USP38: variants seen among roughly 807,000 people sequenced by gnomAD.
The protein encoded by USP38 is ubiquitin specific peptidase 38, also known as ubiquitin carboxyl-terminal hydrolase 38.
Under a neutral mutation model 94.3 loss-of-function variants are expected in USP38, and 49 were observed. The ratio of observed to expected loss-of-function variants is 0.52; its 90% CI spans 0.41 to 0.66. The LOEUF is 0.66. Among genes scored for constraint, USP38 ranks in the 30% least tolerant of loss-of-function variants. USP38 has a pLI of 0.00. For missense variants in USP38, 1,128 were observed against 1,229.4 expected, an observed-to-expected ratio of 0.92 and a Z score of 1.23; for synonymous variants, 468 against 463.6, an observed-to-expected ratio of 1.01 and a Z score of -0.12.
Position 143,214,914 on chromosome 4 carries a change from A to C in USP38, c.2938A>C (p.Ile980Leu). 1 of 1,612,810 alleles carries C rather than the reference A, an allele frequency of 6.2e-7. No individual in the cohort carries two copies. Among genetic ancestry groups the C allele is most frequent in the Non-Finnish European group, 8.5e-7 (1 of 1,179,416 alleles). ...PPLQKELMDA[I>L]TKDNKLYLQE... Reference sequence around the variant, plus strand: ...TCTACAGAAAGAACTTATGGATGCTATAACAAAAGACAATAAACTATATTT... The same window carrying C: ...TCTACAGAAAGAACTTATGGATGCTCTAACAAAAGACAATAAACTATATTT... Residue 980 changes from isoleucine to leucine, a missense_variant, in exon 9 of 10, where the codon ATA becomes CTA. Physicochemically the swap from Ile to Leu is conservative, Grantham distance 5. Transcript: ENST00000307017.
chr4:143,209,357 G>A (rs575536377), intron 6 of USP38, among the ~76,000 whole-genome samples: 20 of 152,064 alleles, frequency 1.3e-4, no homozygotes, highest in African/African-American at 4.8e-4. Context: ...GCTTTTAAAT[G>A]GCCAGGCACA....
intron 8 of USP38, 28 bp from the exon 9 acceptor site, chr4:143,213,553 A>G: frequency 6.6e-7 from 1 of 1,525,856 alleles, no homozygotes; most frequent in South Asian, 1.3e-5. Context: ...TAATTTAAGT[A>G]GCTATATAAT....
intron 2 of USP38, among the ~76,000 whole-genome samples, chr4:143,189,161 A>G (rs567821621): frequency 2.3e-4 from 35 of 152,038 alleles, no homozygotes; most frequent in Non-Finnish European, 4.6e-4. Flanking sequence ...GACATGAAGG[A>G]TGTGAAGTAG....
At chr4:143,219,286 A>G (rs537956360) in intron 9 of USP38, among the ~76,000 whole-genome samples, 42 of 152,214 alleles carry the variant, frequency 2.8e-4, no homozygotes, top group South Asian at 1.2e-3. Context: ...TAAAGTATCT[A>G]TAATATGACA....
At chr4:143,199,892 T>G (rs1731662809) in intron 4 of USP38, among the ~76,000 whole-genome samples, 1 of 152,234 alleles carries the variant, frequency 6.6e-6, no homozygotes, top group Non-Finnish European at 1.5e-5. Context: ...GTCAGATGCA[T>G]AGTTTATAAG....
intron 6 of USP38, among the ~76,000 whole-genome samples, chr4:143,208,098 A>G (rs1731921717): frequency 6.6e-6 from 1 of 152,118 alleles, no homozygotes; most frequent in Non-Finnish European, 1.5e-5. Context: ...AATCCTATTT[A>G]TATATTCTTT....
intron 9 of USP38, among the ~76,000 whole-genome samples, chr4:143,219,342 T>G (rs1732264888): frequency 6.6e-6 from 1 of 152,026 alleles, no homozygotes; most frequent in Non-Finnish European, 1.5e-5. Flanking sequence ...TAACGAAAAA[T>G]TGAGCATTTT....
At position 143,185,340 on chromosome 4, in the gene USP38, T is replaced by C; in HGVS notation, c.-111T>C. ...CGGCGGTGGCCGTGGCCCGTCGCGC[T>C]GCTGCTGCGGCGCTCCAAGTTCATC... On this transcript the variant is annotated 5_prime_UTR_variant, in exon 1 of 10. Transcript: ENST00000307017. The C allele has an allele frequency of 8.0e-7, 1 of 1,242,514 alleles. No homozygotes were observed. Among genetic ancestry groups the C allele is most frequent in the South Asian group, 1.5e-5 (1 of 65,086 alleles). 77.0% of individuals were successfully genotyped at this position (1,242,514 alleles called of 1,614,324 possible).
chr4:143,206,303 G>A, intron 6 of USP38, 77 bp downstream of exon 6: 1 of 1,237,528 alleles, frequency 8.1e-7, no homozygotes, highest in Non-Finnish European at 1.1e-6. Context: ...TGATAGAATT[G>A]TCTACACATT....
In USP38 at chr4:143,202,552, A is replaced by G. The variant is rs980445595; in HGVS notation, c.1051-856A>G. On this transcript the variant is annotated intron_variant, in intron 4 of 9. Transcript: ENST00000307017. ...TAATTAAAAATTAATTGAAAAAAAT[A>G]TAGTATCATACTAATGGAAAGAGCT... Among the ~76,000 whole-genome samples the G allele has an allele frequency of 1.3e-4, 20 of 152,134 alleles. No homozygotes were observed. The East Asian group carries it at 3.6e-3, about 28-fold the overall frequency.
intron 7 of USP38, among the ~76,000 whole-genome samples, chr4:143,211,095 G>A (rs1189259542): frequency 1.3e-5 from 2 of 151,712 alleles, no homozygotes; most frequent in African/African-American, 4.8e-5. Flanking sequence ...TATATATGTA[G>A]GCAGATATAT....
In USP38 at chr4:143,215,236, A is replaced by G. The variant is rs1013246231; in HGVS notation, c.2967+293A>G. The G allele has an allele frequency of 1.4e-5, 5 of 361,508 alleles. No individual in the cohort carries two copies. The South Asian group carries it at 1.4e-4, about 10-fold the overall frequency. 22.4% of individuals were successfully genotyped at this position (361,508 alleles called of 1,614,324 possible). On this transcript the variant is annotated intron_variant, in intron 9 of 9. Transcript: ENST00000307017. ...ATACAGAAAGTTTACAAAAGTGGAC[A>G]TATCCTCCCTCTTCCTCTCAGCCTC...
chr4:143,192,303 G>A (rs1731418999), intron 2 of USP38, among the ~76,000 whole-genome samples: 1 of 152,052 alleles, frequency 6.6e-6, no homozygotes, highest in Admixed American at 6.6e-5. Flanking sequence ...TGGAGGCTGG[G>A]AAATCCAAGG....
chr4:143,218,047 C>A (rs916555795), intron 9 of USP38, among the ~76,000 whole-genome samples: 9 of 152,010 alleles, frequency 5.9e-5, no homozygotes, highest in African/African-American at 2.2e-4. Context: ...TTGTATGGTC[C>A]AGATTACCCA....
rs1320394345 is a variant in USP38, at chr4:143,185,665, A to G, written c.215A>G (p.His72Arg). 1.9e-6 allele frequency: 3 copies of G among 1,613,866 alleles called. No homozygotes were observed. The highest frequency in any genetic ancestry group is 1.3e-5 in the African/African-American group (1 of 74,872). The change falls in exon 1 of 10, where the codon CAC (histidine) becomes CGC (arginine). Residue 72 changes from histidine (H) to arginine (R), a missense_variant. By Grantham distance (29) the His-to-Arg change is conservative. Transcript: ENST00000307017. The part of the protein sequence containing the change: ...HQVLEAYARY[H>R]RPEFESFFNK... ...GTGCTGGAGGCCTACGCACGATACC[A>G]CCGGCCAGAGTTCGAGTCCTTCTTC... is the stretch of plus-strand genomic sequence containing the variant.
At chr4:143,201,394 A>G (rs575326676) in intron 4 of USP38, among the ~76,000 whole-genome samples, 120 of 152,196 alleles carry the variant, frequency 7.9e-4, no homozygotes, top group African/African-American at 2.1e-3. Flanking sequence ...ATGTTTTCCA[A>G]ATTTCTAGGA....
chr4:143,188,265 G>A (rs1317215784), intron 2 of USP38, among the ~76,000 whole-genome samples: 1 of 151,744 alleles, frequency 6.6e-6, no homozygotes, highest in Non-Finnish European at 1.5e-5. Flanking sequence ...ATTGTTTCCT[G>A]CAACCTATTT....
intron 8 of USP38, 60 bp downstream of exon 8, chr4:143,212,484 C>A: frequency 9.5e-7 from 1 of 1,057,992 alleles, no homozygotes; most frequent in Non-Finnish European, 1.4e-6. Context: ...TTTAATTCTA[C>A]TTAATATTGC....
rs1324169980 is a variant in USP38 at position 143,212,310 on chromosome 4, C to G, written c.1498-8C>G. ...ACTTCCTTATATTTTCTCAATTGCT[C>G]TCAAAAGAGGGAAGCATACGCACCT... On this transcript the variant is annotated splice_polypyrimidine_tract_variant and splice_region_variant and intron_variant, in intron 7 of 9. Coordinates refer to ENST00000307017, the MANE Select transcript of USP38 (RefSeq NM_032557.6). 2 of 1,596,550 alleles carry G rather than the reference C, an allele frequency of 1.3e-6. No individual in the cohort carries two copies. The highest frequency in any genetic ancestry group is 1.7e-6 in the Non-Finnish European group (2 of 1,172,826).
Sources: allele counts gnomAD v4.1 joint callset (sites outside exome capture counted in the v4.1 genomes callset), GRCh38; gene constraint gnomAD v4.1.1; transcripts MANE v1.5; gene names NCBI Gene and HGNC (gene_info 2026-07-23, HGNC 2026-07-21).